UEVLD: variants seen among roughly 807,000 people sequenced by gnomAD.
UEVLD encodes the protein UEV and lactate/malate dehyrogenase domains.
UEVLD carries 47 observed loss-of-function variants against 58.6 expected under a neutral mutation model. That is an observed-to-expected ratio of 0.80 (90% CI 0.63 to 1.02). The LOEUF (loss-of-function observed/expected upper bound fraction) is 1.02, where lower values mean the gene tolerates loss of function less well. Ranked by LOEUF, UEVLD falls within the 50% of genes least tolerant of loss-of-function variation. The probability of loss-of-function intolerance (pLI) is 0.00; values close to 1 mark genes in which losing one functional copy is unlikely to be tolerated. For missense variants in UEVLD, 510 were observed against 550.6 expected (o/e 0.93, Z 0.74); for synonymous variants, 197 against 195.3 (o/e 1.01, Z -0.07).
intron 2 of UEVLD, 82 bp from the exon 3 acceptor site, chr11:18,575,494 G>T (rs1303844006): frequency 7.6e-7 from 1 of 1,316,404 alleles, no homozygotes; most frequent in Non-Finnish European, 1.1e-6. Context: ...GTGCACATGT[G>T]TGTGCTCATG....
At chr11:18,570,604 G>A (rs1402092461) in intron 3 of UEVLD, 1 of 273,328 alleles carries the variant, frequency 3.7e-6, no homozygotes, top group African/African-American at 2.2e-5. Context: ...AAATTAGCTG[G>A]GTGTGGTGGC....
intron 6 of UEVLD, among the ~76,000 whole-genome samples, chr11:18,561,920 T>G (rs901801650): frequency 2.7e-5 from 4 of 150,720 alleles, no homozygotes; most frequent in Admixed American, 6.6e-5. Context: ...AAGAGTCAAG[T>G]GTTTAGACAA....
At position 18,531,265 on chromosome 11, in the gene UEVLD, A is replaced by ACT. The variant is rs1380350687; in HGVS notation, c.*1054_*1055insAG. On this transcript the variant is annotated 3_prime_UTR_variant, in exon 12 of 12. Transcript: ENST00000396197. Reference sequence around the variant, plus strand: ...TGATGATGGCAATAGTCCCTACCTCAGTGGTCTGTTGTGAGGATTCAGTAA... The same window carrying ACT: ...TGATGATGGCAATAGTCCCTACCTCACTGTGGTCTGTTGTGAGGATTCAGTAA... 6.6e-6 allele frequency: 1 copy of ACT among 152,224 alleles called. No homozygotes were observed. Among genetic ancestry groups the ACT allele is most frequent in the Non-Finnish European group, 1.5e-5 (1 of 68,044 alleles). 9.4% of individuals were successfully genotyped at this position (152,224 alleles called of 1,614,324 possible).
chr11:18,533,062 C>CTTTTTT (rs530237376), intron 11 of UEVLD, among the ~76,000 whole-genome samples: 3 of 133,970 alleles, frequency 2.2e-5, no homozygotes, highest in Non-Finnish European at 3.3e-5. Flanking sequence ...CTTTTCTTTT[C>CTTTTTT]TTTTTTTTTT....
At chr11:18,567,034 T>C (rs1852334089) in intron 4 of UEVLD, among the ~76,000 whole-genome samples, 1 of 152,110 alleles carries the variant, frequency 6.6e-6, no homozygotes, top group Admixed American at 6.5e-5. Flanking sequence ...TGTTTAGTCT[T>C]TCTCTCTCTA....
chr11:18,543,302 T>G (rs1295355154), intron 9 of UEVLD, among the ~76,000 whole-genome samples: 1 of 152,240 alleles, frequency 6.6e-6, no homozygotes, highest in Non-Finnish European at 1.5e-5. Context: ...CCCAGATCAC[T>G]TTCCAGCTCT....
chr11:18,535,323 C>G (rs1037484397), intron 10 of UEVLD, among the ~76,000 whole-genome samples: 1 of 151,976 alleles, frequency 6.6e-6, no homozygotes, highest in Non-Finnish European at 1.5e-5. Flanking sequence ...ATTACCTTAG[C>G]TTTTTCTTTT....
intron 7 of UEVLD, among the ~76,000 whole-genome samples, chr11:18,550,538 C>T (rs1344294765): frequency 6.6e-6 from 1 of 152,178 alleles, no homozygotes; most frequent in Non-Finnish European, 1.5e-5. Context: ...GCAACTGGAA[C>T]ATTTCCCCCA....
intron 7 of UEVLD, among the ~76,000 whole-genome samples, chr11:18,554,017 T>C (rs1354784349): frequency 6.6e-6 from 1 of 152,218 alleles, no homozygotes; most frequent in Non-Finnish European, 1.5e-5. Flanking sequence ...GATTTAAATA[T>C]ATATACTATT....
Position 18,560,132 on chromosome 11 carries a change from CACACACAGAG to C in UEVLD, c.613-1812_613-1803del, listed in dbSNP as rs1394786551. 7.6e-3 allele frequency among the ~76,000 whole-genome samples: 664 copies of C among 86,852 alleles called. 15 individuals are homozygous for C. In the South Asian group the frequency reaches 0.079, roughly 10 times the overall value. The allele number at this position is 86,852 out of a possible 152,430, so 57.0% of individuals were successfully genotyped here. A position where few individuals can be genotyped will look rare whatever the true frequency, so the allele number is the denominator to read the frequency against. On this transcript the variant is annotated intron_variant, in intron 6 of 11. Coordinates refer to ENST00000396197, the MANE Select transcript of UEVLD (RefSeq NM_001040697.4). ...ACACACACACACACACACACACACA[CACACACAGAG>C]AGAGAAAGAAAATAACCCTGCTACA...
At chr11:18,561,703 G>A (rs1852042624) in intron 6 of UEVLD, among the ~76,000 whole-genome samples, 1 of 152,040 alleles carries the variant, frequency 6.6e-6, no homozygotes, top group Non-Finnish European at 1.5e-5. Context: ...TTACCCAGGT[G>A]TGGTGACGGG....
At chr11:18,579,934 A>G (rs1853142166) in intron 1 of UEVLD, among the ~76,000 whole-genome samples, 1 of 152,128 alleles carries the variant, frequency 6.6e-6, no homozygotes, top group Admixed American at 6.6e-5. Context: ...AGACCAAAGT[A>G]AATGGAAAGC....
intron 6 of UEVLD, among the ~76,000 whole-genome samples, chr11:18,558,762 G>C (rs908311877): frequency 6.7e-6 from 1 of 149,308 alleles, no homozygotes; most frequent in Non-Finnish European, 1.5e-5. Flanking sequence ...CAGCCTGGGC[G>C]ATAGAGCGAG....
chr11:18,560,919 G>A (rs779139616), intron 6 of UEVLD, among the ~76,000 whole-genome samples: 6 of 152,098 alleles, frequency 3.9e-5, no homozygotes, highest in Non-Finnish European at 5.9e-5. Flanking sequence ...GCTGAGGCAG[G>A]AGAATCTCTT....
At chr11:18,586,302 C>T (rs1210661850) in intron 1 of UEVLD, among the ~76,000 whole-genome samples, 1 of 152,024 alleles carries the variant, frequency 6.6e-6, no homozygotes, top group Non-Finnish European at 1.5e-5. Context: ...GTAACCTCCA[C>T]CTCCCAGGTT....
chr11:18,579,218 C>T (rs903474808), intron 1 of UEVLD, among the ~76,000 whole-genome samples: 1 of 152,212 alleles, frequency 6.6e-6, no homozygotes, highest in East Asian at 1.9e-4. Flanking sequence ...CTGAGCTCTG[C>T]AAACAAGAAT....
intron 9 of UEVLD, among the ~76,000 whole-genome samples, chr11:18,544,378 G>A (rs995481904): frequency 6.6e-6 from 1 of 152,136 alleles, no homozygotes; most frequent in Non-Finnish European, 1.5e-5. Flanking sequence ...CTGCGATCAT[G>A]GCTCACTGCA....
chr11:18,575,285 T>C (rs1852842350), intron 3 of UEVLD, 62 bp downstream of exon 3: 9 of 1,530,018 alleles, frequency 5.9e-6, no homozygotes, highest in Non-Finnish European at 8.0e-6. Context: ...TAAACAAATT[T>C]AAGTTATTAA....
At position 18,532,223 on chromosome 11, in the gene UEVLD, G is replaced by T. The variant is rs1001871461; in HGVS notation, c.*97C>A. 8.5e-7 allele frequency: 1 copy of T among 1,172,116 alleles called. No individual in the cohort carries two copies. Among genetic ancestry groups the T allele is most frequent in the African/African-American group, 1.6e-5 (1 of 63,268 alleles). 72.6% of individuals were successfully genotyped at this position (1,172,116 alleles called of 1,614,324 possible). A position where few individuals can be genotyped will look rare whatever the true frequency, so the allele number is the denominator to read the frequency against. ...TTAACCAAGCAGTTTGTAAAAGTAA[G>T]TAGCAGGATACAGAAATCCTCAAAC... On this transcript the variant is annotated 3_prime_UTR_variant, in exon 12 of 12. Coordinates refer to ENST00000396197, the MANE Select transcript of UEVLD (RefSeq NM_001040697.4).
Sources: allele counts gnomAD v4.1 joint callset (sites outside exome capture counted in the v4.1 genomes callset), GRCh38; gene constraint gnomAD v4.1.1; transcripts MANE v1.5; gene names NCBI Gene and HGNC (gene_info 2026-07-23, HGNC 2026-07-21).